Variants in FSTL4 observed in about 807,000 individuals in gnomAD.
FSTL4 encodes follistatin-related protein 4.
Under a neutral mutation model 78.2 loss-of-function variants are expected in FSTL4, and 28 were observed. The ratio of observed to expected loss-of-function variants is 0.36; its 90% CI spans 0.27 to 0.49. The LOEUF is 0.49. Among genes scored for constraint, FSTL4 ranks in the 20% least tolerant of loss-of-function variants. The pLI is 0.98. For synonymous variants in FSTL4, 422 were observed against 440.5 expected (o/e 0.96, Z 0.53); for missense variants, 922 against 1,084.9 (o/e 0.85, Z 2.11).
intron 3 of FSTL4, among the ~76,000 whole-genome samples, chr5:133,540,620 A>T (rs140774463): frequency 7.2e-5 from 11 of 151,984 alleles, no homozygotes; most frequent in South Asian, 6.2e-4. Context: ...AGAGGCTGGA[A>T]ATGGAACAAG....
the FSTL4 span, among the ~76,000 whole-genome samples, chr5:133,782,464 C>A: frequency 6.6e-6 from 1 of 152,234 alleles, no homozygotes; most frequent in Non-Finnish European, 1.5e-5. Context: ...AGATCTTTGA[C>A]CTAAGATGAG....
intron 3 of FSTL4, among the ~76,000 whole-genome samples, chr5:133,515,403 AG>A (rs1168718667): frequency 2.0e-5 from 3 of 151,802 alleles, no homozygotes; most frequent in Admixed American, 2.0e-4. Context: ...TTAAAAGGAA[AG>A]GAAAAAAAAA....
At chr5:133,552,801 G>A (rs1465380789) in intron 3 of FSTL4, among the ~76,000 whole-genome samples, 2 of 152,160 alleles carry the variant, frequency 1.3e-5, no homozygotes, top group African/African-American at 2.4e-5. Flanking sequence ...GTGGCTCAAC[G>A]AAAGTTCAGC....
At chr5:133,413,536 T>A (rs1756521559) in intron 3 of FSTL4, among the ~76,000 whole-genome samples, 1 of 152,186 alleles carries the variant, frequency 6.6e-6, no homozygotes. Context: ...TTTATTCTGC[T>A]TATAATTCAT....
the FSTL4 span, among the ~76,000 whole-genome samples, chr5:133,741,375 G>A: frequency 6.6e-6 from 1 of 152,232 alleles, no homozygotes; most frequent in Non-Finnish European, 1.5e-5. Flanking sequence ...GCCCCTCAAG[G>A]CCAGCCCCAC....
At chr5:133,400,597 C>T in intron 4 of FSTL4, 141 bp downstream of exon 4, 1 of 750,196 alleles carries the variant, frequency 1.3e-6, no homozygotes, top group Non-Finnish European at 2.2e-6. Context: ...GCCACTGCTG[C>T]TATTTTGTTA....
At chr5:133,317,971 T>C (rs1753949776) in intron 4 of FSTL4, among the ~76,000 whole-genome samples, 1 of 152,184 alleles carries the variant, frequency 6.6e-6, no homozygotes, top group Non-Finnish European at 1.5e-5. Context: ...TCCCTTCCTC[T>C]TTTCCTCCCT....
At chr5:133,479,407 T>C (rs1013577231) in intron 3 of FSTL4, among the ~76,000 whole-genome samples, 5 of 152,354 alleles carry the variant, frequency 3.3e-5, no homozygotes, top group Admixed American at 3.3e-4. Context: ...TGCAGTTCTT[T>C]TTCCATCTAA....
chr5:133,537,998 C>G (rs1306055362), intron 3 of FSTL4, among the ~76,000 whole-genome samples: 1 of 152,008 alleles, frequency 6.6e-6, no homozygotes, highest in Non-Finnish European at 1.5e-5. Flanking sequence ...CGTATATTTC[C>G]TGAGGTCAAC....
At chr5:133,706,241 A>T in the FSTL4 span, among the ~76,000 whole-genome samples, 4 of 152,332 alleles carry the variant, frequency 2.6e-5, no homozygotes, top group African/African-American at 9.6e-5. Flanking sequence ...CAAAATTCAT[A>T]TCAATTATTT....
At chr5:133,807,743 A>G in the FSTL4 span, among the ~76,000 whole-genome samples, 1 of 152,236 alleles carries the variant, frequency 6.6e-6, no homozygotes, top group Non-Finnish European at 1.5e-5. Flanking sequence ...CCAGTGGGTC[A>G]TGTCCTCTCA....
intron 3 of FSTL4, among the ~76,000 whole-genome samples, chr5:133,449,540 G>A (rs916095732): frequency 1.5e-4 from 23 of 152,194 alleles, no homozygotes; most frequent in African/African-American, 5.5e-4. Context: ...ACCCAATAAA[G>A]CAACCAGGAG....
chr5:133,466,093 A>G (rs1339634340), intron 3 of FSTL4, among the ~76,000 whole-genome samples: 1 of 152,196 alleles, frequency 6.6e-6, no homozygotes, highest in Non-Finnish European at 1.5e-5. Context: ...GTGTTTACCC[A>G]CTTCTTGAGC....
the FSTL4 span, among the ~76,000 whole-genome samples, chr5:133,812,028 A>T: frequency 2.6e-5 from 4 of 152,182 alleles, no homozygotes; most frequent in Admixed American, 2.6e-4. Context: ...TCAGTAAAGG[A>T]CACCATCATT....
intron 3 of FSTL4, among the ~76,000 whole-genome samples, chr5:133,533,854 A>C (rs917872587): frequency 1.3e-5 from 2 of 151,826 alleles, no homozygotes; most frequent in African/African-American, 2.4e-5. Flanking sequence ...TTCCTGCCCC[A>C]ACTTCTCTCT....
intron 6 of FSTL4, among the ~76,000 whole-genome samples, chr5:133,278,227 C>T (rs1229647821): frequency 1.3e-5 from 2 of 152,182 alleles, no homozygotes; most frequent in East Asian, 3.9e-4. Flanking sequence ...GAGGGCTAGG[C>T]ATCCTGTCCA....
chr5:133,581,188 A>G (rs867089723), intron 2 of FSTL4, among the ~76,000 whole-genome samples: 17 of 152,238 alleles, frequency 1.1e-4, no homozygotes, highest in African/African-American at 3.6e-4. Flanking sequence ...TTAAGGCACA[A>G]TAAGACCGTT....
chr5:133,617,282 G>C (rs1176963758), upstream of FSTL4, among the ~76,000 whole-genome samples: 1 of 125,166 alleles, frequency 8.0e-6, no homozygotes, highest in Non-Finnish European at 1.6e-5. Context: ...CTGAGCAATA[G>C]AGCGAGACTC....
At chr5:133,789,630 A>T in the FSTL4 span, among the ~76,000 whole-genome samples, 1 of 152,230 alleles carries the variant, frequency 6.6e-6, no homozygotes, top group Non-Finnish European at 1.5e-5. Context: ...GGCTGTCGTA[A>T]CAAAGTACCA....
Sources: gnomAD v4.1 joint callset for allele counts (sites outside exome capture counted in the v4.1 genomes callset) on GRCh38, gnomAD v4.1.1 for gene constraint, MANE v1.5 for transcripts, NCBI Gene and HGNC (gene_info 2026-07-23, HGNC 2026-07-21) for gene names.